Variants in PPP2R3B observed in about 807,000 individuals in gnomAD.
PPP2R3B encodes serine/threonine-protein phosphatase 2A regulatory subunit B'' subunit beta.
In PPP2R3B, 68 loss-of-function variants were observed where a neutral mutation model predicts 72.9. The ratio of observed to expected loss-of-function variants is 0.93; its 90% CI spans 0.77 to 1.14. PPP2R3B has a LOEUF of 1.14. PPP2R3B is among the 50% of genes most tolerant of loss of function. PPP2R3B has a pLI of 0.00. For synonymous variants in PPP2R3B, 466 were observed against 375.8 expected (o/e 1.24, Z -2.78); for missense variants, 1,018 against 842.0 (o/e 1.21, Z -2.59).
chrX:362,747 G>A (rs1462707367), intron 1 of PPP2R3B, among the ~76,000 whole-genome samples: 1 of 152,104 alleles, frequency 6.6e-6, no homozygotes, highest in East Asian at 1.9e-4. Context: ...TCCAGGACTG[G>A]GTCCAAGCTC....
At chrX:381,200 A>T (rs1346903285) in intron 1 of PPP2R3B, among the ~76,000 whole-genome samples, 1 of 152,086 alleles carries the variant, frequency 6.6e-6, no homozygotes, top group Non-Finnish European at 1.5e-5. Context: ...AAGTGCTGGG[A>T]TTGAGCCACT....
intron 12 of PPP2R3B, chrX:336,846 CGA>C (rs2070902578): frequency 6.6e-6 from 1 of 151,080 alleles, no homozygotes; most frequent in East Asian, 2.0e-4. Context: ...AAAATCCTGC[CGA>C]GAGACACGGA....
intron 2 of PPP2R3B, among the ~76,000 whole-genome samples, chrX:353,963 A>G (rs1396061021): frequency 4.6e-5 from 6 of 129,180 alleles, no homozygotes; most frequent in African/African-American, 2.2e-4. Flanking sequence ...GCTCACCCAA[A>G]GACCAGGGCT....
In PPP2R3B at chrX:379,753, T is replaced by C. The variant is rs190848861; in HGVS notation, c.324+6615A>G. ...TGTGGATTGGAAAATACTGTTAAGG[T>C]ATCAATTATCCTAAATTGATCCACA... On this transcript the variant is annotated intron_variant, in intron 1 of 12. Coordinates refer to ENST00000390665, the MANE Select transcript of PPP2R3B (RefSeq NM_013239.5). Among the ~76,000 whole-genome samples the C allele has an allele frequency of 7.0e-4, 106 of 152,374 alleles. 1 individual carries two copies. The highest frequency in any genetic ancestry group is 8.8e-5 in the Non-Finnish European group (6 of 68,044).
At chrX:383,566 G>A (rs762974563) in intron 1 of PPP2R3B, among the ~76,000 whole-genome samples, 1 of 152,002 alleles carries the variant, frequency 6.6e-6, no homozygotes, top group Admixed American at 6.6e-5. Flanking sequence ...CGGCGGGCAC[G>A]GTGGCTCACA....
At chrX:373,486 G>C (rs1282909628) in intron 1 of PPP2R3B, 1 of 153,250 alleles carries the variant, frequency 6.5e-6, no homozygotes, top group African/African-American at 2.4e-5. Context: ...GCCGGGCCGG[G>C]AGGCCTCGCC....
intron 2 of PPP2R3B, among the ~76,000 whole-genome samples, chrX:357,515 T>G (rs140719594): frequency 2.0e-5 from 3 of 152,152 alleles, no homozygotes; most frequent in African/African-American, 7.2e-5. Context: ...GTGTGTAGCA[T>G]GACGGATCAA....
Position 368,090 on chromosome X carries a change from G to T in PPP2R3B, c.325-6500C>A, listed in dbSNP as rs1004830478. ...CAAACTGAGCCCGCTAGGCAAGGCGGAGCCCACCCACCCCGGGCACAGACA... is the reference window on the plus strand; with the variant it reads ...CAAACTGAGCCCGCTAGGCAAGGCGTAGCCCACCCACCCCGGGCACAGACA... On this transcript the variant is annotated intron_variant, in intron 1 of 12. Coordinates refer to ENST00000390665, the MANE Select transcript of PPP2R3B (RefSeq NM_013239.5). 9.0e-4 allele frequency among the ~76,000 whole-genome samples: 137 copies of T among 152,332 alleles called. 1 individual carries two copies. Among genetic ancestry groups the T allele is most frequent in the African/African-American group, 3.1e-3 (130 of 41,574 alleles).
chrX:375,488 G>A (rs1603128952), intron 1 of PPP2R3B, among the ~76,000 whole-genome samples: 1 of 144,904 alleles, frequency 6.9e-6, no homozygotes, highest in South Asian at 2.2e-4. Flanking sequence ...CAGAGGTGCG[G>A]CCCAGTAACC....
At chrX:367,969 G>A (rs1409817055) in intron 1 of PPP2R3B, among the ~76,000 whole-genome samples, 1 of 152,218 alleles carries the variant, frequency 6.6e-6, no homozygotes, top group African/African-American at 2.4e-5. Context: ...ACCAAGGAAC[G>A]CTGAAGAGGT....
At chrX:364,141 A>G (rs1398878930) in intron 1 of PPP2R3B, among the ~76,000 whole-genome samples, 1 of 152,240 alleles carries the variant, frequency 6.6e-6, no homozygotes, top group East Asian at 1.9e-4. Flanking sequence ...TCTGGGGAAG[A>G]GGAGGCAAAA....
intron 2 of PPP2R3B, among the ~76,000 whole-genome samples, chrX:348,089 C>T (rs965964942): frequency 1.3e-5 from 2 of 152,082 alleles, no homozygotes; most frequent in African/African-American, 2.4e-5. Context: ...ATGTGTGGGA[C>T]GCACCTACAG....
intron 7 of PPP2R3B, among the ~76,000 whole-genome samples, chrX:342,472 G>GCAACGGGAGGCGGGAGGGAGACCTCGC (rs2071106006): frequency 1.1e-5 from 1 of 92,526 alleles, no homozygotes; most frequent in African/African-American, 4.5e-5. Context: ...GGAGACCTCA[G>GCAACGGGAGGCGGGAGGGAGACCTCGC]CAACGGGAGG....
intron 2 of PPP2R3B, among the ~76,000 whole-genome samples, chrX:352,840 A>G (rs1298573638): frequency 1.3e-5 from 2 of 151,106 alleles, no homozygotes; most frequent in Non-Finnish European, 2.9e-5. Flanking sequence ...GCAGACACGT[A>G]AAGATGTGAA....
intron 2 of PPP2R3B, among the ~76,000 whole-genome samples, chrX:360,788 T>A (rs1181760754): frequency 6.6e-6 from 1 of 152,172 alleles, no homozygotes; most frequent in Non-Finnish European, 1.5e-5. Flanking sequence ...CAGACACGCA[T>A]CTCTGGTGTA....
chrX:344,566 CGCCGG>C (rs1309920642), intron 7 of PPP2R3B, among the ~76,000 whole-genome samples: 1 of 152,230 alleles, frequency 6.6e-6, no homozygotes, highest in Non-Finnish European at 1.5e-5. Flanking sequence ...GCTGGGGCCG[CGCCGG>C]GCCGGGGGTT....
intron 1 of PPP2R3B, among the ~76,000 whole-genome samples, chrX:379,803 T>C (rs2072085116): frequency 6.6e-6 from 1 of 152,252 alleles, no homozygotes; most frequent in Admixed American, 6.5e-5. Flanking sequence ...CCAATCAAAA[T>C]TCCAACAGGC....
intron 10 of PPP2R3B, among the ~76,000 whole-genome samples, chrX:339,167 G>A (rs746904583): frequency 1.3e-5 from 2 of 151,758 alleles, no homozygotes; most frequent in Admixed American, 6.5e-5. Context: ...GGCGCGGCCA[G>A]CAGGGGCGCT....
Position 341,893 on chromosome X carries a change from C to T in PPP2R3B, c.1075G>A (p.Ala359Thr), listed in dbSNP as rs865896203. 6.8e-6 allele frequency: 11 copies of T among 1,612,698 alleles called. No individual in the cohort carries two copies. The Middle Eastern group carries it at 1.2e-3, about 170-fold the overall frequency. The change falls in exon 8 of 13, where the codon GCA (alanine) becomes ACA (threonine). Residue 359 changes from alanine (A) to threonine (T), a missense_variant. Ala to Thr is a moderately conservative substitution (Grantham distance 58, BLOSUM62 0). Coordinates refer to ENST00000390665, the MANE Select transcript of PPP2R3B (RefSeq NM_013239.5). ...CTGAGCCGTACGTACCGTGTGACTG[C>T]TCCTGAGAAGATCCTGTCTATCATC... ...TKMIDRIFSG[A>T]VTRGRKVQKE...
Sources: gnomAD v4.1 joint callset for allele counts (sites outside exome capture counted in the v4.1 genomes callset) on GRCh38, gnomAD v4.1.1 for gene constraint, MANE v1.5 for transcripts, NCBI Gene and HGNC (gene_info 2026-07-23, HGNC 2026-07-21) for gene names.